IMMT: variants seen among roughly 807,000 people sequenced by gnomAD.
IMMT encodes MICOS complex subunit MIC60.
In IMMT, 40 loss-of-function variants were observed where a neutral mutation model predicts 92.7. The ratio of observed to expected loss-of-function variants is 0.43; its 90% CI spans 0.34 to 0.56. IMMT has a LOEUF of 0.56. IMMT is among the 20% of genes least tolerant of loss of function. The pLI is 0.03. For synonymous variants in IMMT, 322 were observed against 336.1 expected (o/e 0.96, Z 0.46); for missense variants, 831 against 912.1 (o/e 0.91, Z 1.14).
rs1285151262 is a variant in IMMT, at chr2:86,173,777, C to T, written c.310-16G>A. ...CCGACTGAATCTTGGAAATAAAAAA[C>T]ATTTAACATTTCAGATATACTACTG... On this transcript the variant is annotated splice_polypyrimidine_tract_variant and intron_variant, in intron 3 of 14. Transcript: ENST00000410111. 7.4e-7 allele frequency: 1 copy of T among 1,357,664 alleles called. No individual in the cohort carries two copies. The highest frequency in any genetic ancestry group is 1.0e-6 in the Non-Finnish European group (1 of 959,568). The allele number at this position is 1,357,664 out of a possible 1,614,324, so 84.1% of individuals were successfully genotyped here.
At chr2:86,170,043 G>A (rs921344886) in intron 6 of IMMT, among the ~76,000 whole-genome samples, 2 of 152,170 alleles carry the variant, frequency 1.3e-5, no homozygotes, top group South Asian at 4.1e-4. Context: ...GGCAGTGTAA[G>A]CCATTCTGAC....
chr2:86,180,445 T>C (rs1672359654), intron 2 of IMMT, among the ~76,000 whole-genome samples: 1 of 151,800 alleles, frequency 6.6e-6, no homozygotes, highest in Non-Finnish European at 1.5e-5. Flanking sequence ...TTTTTATTTT[T>C]AGTAGAGACG....
At chr2:86,159,378 C>T (rs1344837704) in intron 9 of IMMT, 158 bp downstream of exon 9, 1 of 733,958 alleles carries the variant, frequency 1.4e-6, no homozygotes, top group South Asian at 1.5e-5. Flanking sequence ...AACCACCACA[C>T]CCAGCCAAGG....
intron 1 of IMMT, among the ~76,000 whole-genome samples, chr2:86,194,239 C>T (rs1673373814): frequency 6.6e-6 from 1 of 152,202 alleles, no homozygotes; most frequent in African/African-American, 2.4e-5. Flanking sequence ...TACTTTGCAG[C>T]CTTATGTGAC....
chr2:86,172,116 TACC>T (rs1677139865), intron 4 of IMMT, among the ~76,000 whole-genome samples: 1 of 151,796 alleles, frequency 6.6e-6, no homozygotes, highest in South Asian at 2.1e-4. Flanking sequence ...TATACGTGTA[TACC>T]ACCACACCTG....
At chr2:86,153,415 C>A in intron 11 of IMMT, 145 bp downstream of exon 11, 1 of 471,974 alleles carries the variant, frequency 2.1e-6, no homozygotes, top group Non-Finnish European at 3.8e-6. Context: ...CCAAAAATAT[C>A]CAATTCAGAT....
chr2:86,149,879 CAAAAAA>C (rs548731236), intron 12 of IMMT, among the ~76,000 whole-genome samples: 5 of 121,394 alleles, frequency 4.1e-5, no homozygotes, highest in African/African-American at 1.3e-4. Flanking sequence ...GACTCTGTCT[CAAAAAA>C]AAAAAAAAAA....
chr2:86,192,298 T>C (rs1393944896), intron 1 of IMMT, among the ~76,000 whole-genome samples: 1 of 152,100 alleles, frequency 6.6e-6, no homozygotes, highest in Non-Finnish European at 1.5e-5. Flanking sequence ...AATCAGAGGT[T>C]TGAAAATCTA....
At chr2:86,158,807 G>C (rs1676055964) in intron 9 of IMMT, 86 bp from the exon 10 acceptor site, 1 of 1,139,752 alleles carries the variant, frequency 8.8e-7, no homozygotes, top group Non-Finnish European at 1.2e-6. Context: ...TCCTTCATTT[G>C]TTTACATTTT....
intron 8 of IMMT, among the ~76,000 whole-genome samples, chr2:86,161,735 C>T (rs1428059633): frequency 1.3e-5 from 2 of 151,750 alleles, no homozygotes; most frequent in Non-Finnish European, 2.9e-5. Context: ...AGGATGGTCT[C>T]GATCTCTTGA....
chr2:86,176,276 A>T (rs1677420287), intron 3 of IMMT, among the ~76,000 whole-genome samples: 1 of 152,246 alleles, frequency 6.6e-6, no homozygotes, highest in South Asian at 2.1e-4. Context: ...TAAACAATAC[A>T]AAATATCTGG....
intron 10 of IMMT, among the ~76,000 whole-genome samples, chr2:86,156,886 C>A (rs915187295): frequency 2.0e-5 from 3 of 152,026 alleles, no homozygotes; most frequent in Non-Finnish European, 4.4e-5. Context: ...TGCAAAGAGA[C>A]AACAAACAAG....
chr2:86,163,132 A>T (rs1676413621), intron 7 of IMMT, among the ~76,000 whole-genome samples: 1 of 151,984 alleles, frequency 6.6e-6, no homozygotes, highest in African/African-American at 2.4e-5. Flanking sequence ...GACCAGCCTG[A>T]ACAACATAGT....
intron 11 of IMMT, among the ~76,000 whole-genome samples, chr2:86,153,324 C>G (rs1171491589): frequency 6.6e-6 from 1 of 151,760 alleles, no homozygotes; most frequent in Non-Finnish European, 1.5e-5. Flanking sequence ...CACACACACA[C>G]ACACACACAC....
At position 86,171,247 on chromosome 2, in the gene IMMT, G is replaced by T. The variant is rs773783280; in HGVS notation, c.520C>A (p.Pro174Thr). The change falls in exon 5 of 15, where the codon CCT (proline) becomes ACT (threonine). Residue 174 changes from proline to threonine, a missense_variant. Transcript: ENST00000410111. ...QPEESLKTDH[P>T]EIGEGKPTPA... is the part of the protein sequence containing the mutation. The stretch of plus-strand genomic sequence containing the variant: ...GTGGGTTTTCCTTCACCAATTTCAG[G>T]GTGATCAGTTTTTAAAGATTCCTCA... 6.2e-7 allele frequency: 1 copy of T among 1,603,866 alleles called. No individual in the cohort carries two copies. The highest frequency in any genetic ancestry group is 8.5e-7 in the Non-Finnish European group (1 of 1,174,510).
chr2:86,178,394 G>A (rs1177084980), intron 3 of IMMT, among the ~76,000 whole-genome samples: 2 of 151,430 alleles, frequency 1.3e-5, no homozygotes, highest in Non-Finnish European at 1.5e-5. Context: ...TTGGGGGGCC[G>A]AGGCAGGCGG....
At chr2:86,178,179 G>A (rs558029600) in intron 3 of IMMT, among the ~76,000 whole-genome samples, 6 of 151,852 alleles carry the variant, frequency 4.0e-5, no homozygotes, top group Admixed American at 6.6e-5. Flanking sequence ...TTAGCCAGGC[G>A]TGGTGGTGAG....
chr2:86,181,480 A>C (rs1166777164), intron 1 of IMMT, 108 bp from the exon 2 acceptor site: 3 of 750,590 alleles, frequency 4.0e-6, no homozygotes, highest in Non-Finnish European at 6.7e-6. Context: ...TTCATTAAAC[A>C]AAAAATTACT....
At chr2:86,170,346 G>T (rs371560144) in intron 6 of IMMT, among the ~76,000 whole-genome samples, 3 of 152,200 alleles carry the variant, frequency 2.0e-5, no homozygotes, top group Admixed American at 2.0e-4. Context: ...TTTGGCCTGG[G>T]AGGTTGAGGC....
Sources: allele counts gnomAD v4.1 joint callset (sites outside exome capture counted in the v4.1 genomes callset), GRCh38; gene constraint gnomAD v4.1.1; transcripts MANE v1.5; gene names NCBI Gene and HGNC (gene_info 2026-07-23, HGNC 2026-07-21).